The following RALGPS1 variants were observed in gnomAD, a reference collection of about 807,000 sequenced individuals.
RALGPS1 encodes the protein ras-specific guanine nucleotide-releasing factor RalGPS1.
A neutral mutation model predicts 78.8 loss-of-function variants in RALGPS1; 19 were observed. The ratio of observed to expected loss-of-function variants is 0.24; its 90% CI spans 0.17 to 0.35. The LOEUF is 0.35. RALGPS1 is among the 10% of genes least tolerant of loss of function. The pLI is 1.00. For synonymous variants in RALGPS1, 228 were observed against 256.3 expected (o/e 0.89, Z 1.06); for missense variants, 454 against 688.3 (o/e 0.66, Z 3.81).
intron 8 of RALGPS1, chr9:127,089,243 G>A: frequency 4.0e-6 from 5 of 1,235,824 alleles, no homozygotes; most frequent in South Asian, 1.3e-5. Context: ...GGCATCTGGA[G>A]CAAGAACGCT....
chr9:127,173,150 G>A (rs1275693710), intron 10 of RALGPS1, among the ~76,000 whole-genome samples: 1 of 152,216 alleles, frequency 6.6e-6, no homozygotes, highest in East Asian at 1.9e-4. Flanking sequence ...TTTCACATAT[G>A]TGTGTTCTGG....
At chr9:126,982,492 G>A (rs2041336471) in intron 4 of RALGPS1, among the ~76,000 whole-genome samples, 2 of 152,216 alleles carry the variant, frequency 1.3e-5, no homozygotes, top group Non-Finnish European at 2.9e-5. Flanking sequence ...CACAGAGGCT[G>A]GAACCTATTA....
chr9:127,059,954 A>G (rs2049060827), intron 7 of RALGPS1, among the ~76,000 whole-genome samples: 1 of 152,200 alleles, frequency 6.6e-6, no homozygotes, highest in South Asian at 2.1e-4. Flanking sequence ...AACCAAATTA[A>G]AAAACCAACA....
intron 14 of RALGPS1, among the ~76,000 whole-genome samples, chr9:127,210,071 A>G (rs1057144239): frequency 6.6e-6 from 1 of 152,192 alleles, no homozygotes. Flanking sequence ...AGGAAGCTGC[A>G]CGTTGCCCTG....
intron 4 of RALGPS1, among the ~76,000 whole-genome samples, chr9:127,026,444 G>GTT (rs2045966971): frequency 9.6e-6 from 1 of 104,032 alleles, no homozygotes; most frequent in South Asian, 2.5e-4. Context: ...AGTTGACACA[G>GTT]TATTAACCAT....
chr9:126,933,982 C>A (rs567567504), intron 1 of RALGPS1, among the ~76,000 whole-genome samples: 15 of 152,234 alleles, frequency 9.9e-5, no homozygotes, highest in African/African-American at 3.1e-4. Flanking sequence ...ATGCGTTTTC[C>A]CACAGTGTCA....
intron 9 of RALGPS1, among the ~76,000 whole-genome samples, chr9:127,167,795 G>C (rs549915616): frequency 2.6e-5 from 4 of 152,208 alleles, no homozygotes; most frequent in Non-Finnish European, 4.4e-5. Flanking sequence ...CCTCTTTTCT[G>C]TTCCTCTTCA....
At chr9:126,944,943 A>G (rs1418741459) in intron 1 of RALGPS1, among the ~76,000 whole-genome samples, 2 of 152,096 alleles carry the variant, frequency 1.3e-5, no homozygotes, top group African/African-American at 4.8e-5. Context: ...AGTTTTGGTG[A>G]TTCTATTTGT....
intron 4 of RALGPS1, among the ~76,000 whole-genome samples, chr9:127,017,982 C>T (rs1164950551): frequency 3.3e-5 from 5 of 152,014 alleles, no homozygotes; most frequent in Non-Finnish European, 7.4e-5. Context: ...TTTGGGAGGC[C>T]GAGGCAGGTG....
chr9:126,962,465 C>T, intron 2 of RALGPS1, 119 bp downstream of exon 2: 2 of 1,011,458 alleles, frequency 2.0e-6, no homozygotes, highest in East Asian at 5.2e-5. Context: ...CCATTCTTAG[C>T]ACTCCTAAGG....
intron 4 of RALGPS1, among the ~76,000 whole-genome samples, chr9:127,003,102 G>C (rs1456566795): frequency 1.3e-5 from 2 of 152,142 alleles, no homozygotes; most frequent in African/African-American, 4.8e-5. Flanking sequence ...ATCCTCTCCA[G>C]CACGAAAACC....
rs10665183 is a variant in RALGPS1 at position 126,953,374 on chromosome 9, C to CGTGTGT, written c.-65-8839_-65-8834dup. On this transcript the variant is annotated intron_variant, in intron 1 of 18. Coordinates refer to ENST00000259351, the MANE Select transcript of RALGPS1 (RefSeq NM_014636.3). Reference sequence around the variant, plus strand: ...ATGTGTGTGCATGTACACGTGCATGCGTGTGTGTGTGTGTGTGCGCGTGTG... The same window carrying CGTGTGT: ...ATGTGTGTGCATGTACACGTGCATGCGTGTGTGTGTGTGTGTGTGTGTGCGCGTGTG... Among the ~76,000 whole-genome samples the CGTGTGT allele has an allele frequency of 1.1e-4, 16 of 150,172 alleles. No homozygotes were observed. In the East Asian group the frequency reaches 3.0e-3, roughly 28 times the overall value.
chr9:126,933,875 A>G (rs2036027785), intron 1 of RALGPS1, among the ~76,000 whole-genome samples: 1 of 152,058 alleles, frequency 6.6e-6, no homozygotes, highest in Non-Finnish European at 1.5e-5. Context: ...ACACAGCAAC[A>G]TGCACCTGTG....
chr9:126,986,206 C>A (rs1198125169), intron 4 of RALGPS1, among the ~76,000 whole-genome samples: 1 of 152,150 alleles, frequency 6.6e-6, no homozygotes, highest in Admixed American at 6.5e-5. Flanking sequence ...TAAGGATTGG[C>A]AGAGAGTAAG....
At chr9:127,044,186 A>T (rs1226932159) in intron 5 of RALGPS1, among the ~76,000 whole-genome samples, 1 of 152,254 alleles carries the variant, frequency 6.6e-6, no homozygotes, top group Non-Finnish European at 1.5e-5. Flanking sequence ...GTAAATCCAT[A>T]CAGTGGAATA....
At chr9:127,010,809 C>T (rs2044271652) in intron 4 of RALGPS1, among the ~76,000 whole-genome samples, 1 of 152,178 alleles carries the variant, frequency 6.6e-6, no homozygotes, top group Non-Finnish European at 1.5e-5. Context: ...GATGTGGGGA[C>T]ACTTGGCCAT....
At chr9:126,964,427 T>G (rs1475172350) in intron 2 of RALGPS1, among the ~76,000 whole-genome samples, 1 of 149,082 alleles carries the variant, frequency 6.7e-6, no homozygotes, top group Non-Finnish European at 1.5e-5. Context: ...GAATCAGCCC[T>G]CCTGGGGATG....
chr9:127,142,984 T>G (rs1371603613), intron 8 of RALGPS1, among the ~76,000 whole-genome samples: 1 of 152,226 alleles, frequency 6.6e-6, no homozygotes, highest in Non-Finnish European at 1.5e-5. Context: ...TGTATAACAA[T>G]GCTGTAAAAT....
chr9:126,973,951 C>T (rs1202631030), intron 3 of RALGPS1, among the ~76,000 whole-genome samples: 1 of 152,170 alleles, frequency 6.6e-6, no homozygotes, highest in Non-Finnish European at 1.5e-5. Context: ...CGGCTCACTG[C>T]AACCCACTCC....
Sources: allele counts gnomAD v4.1 joint callset (sites outside exome capture counted in the v4.1 genomes callset), GRCh38; gene constraint gnomAD v4.1.1; transcripts MANE v1.5; gene names NCBI Gene and HGNC (gene_info 2026-07-23, HGNC 2026-07-21).